HEATR5A: variants seen among roughly 807,000 people sequenced by gnomAD.
HEATR5A encodes the protein HEAT repeat containing 5A, also known as HEAT repeat-containing protein 5A.
HEATR5A carries 178 observed loss-of-function variants against 218.8 expected under a neutral mutation model. The observed-to-expected ratio is 0.81, with a 90% CI of 0.72 to 0.92. The LOEUF is 0.92. Among genes scored for constraint, HEATR5A ranks in the 40% least tolerant of loss-of-function variants. The probability of loss-of-function intolerance (pLI) is 0.00; values close to 1 mark genes in which losing one functional copy is unlikely to be tolerated. For synonymous variants in HEATR5A, 864 were observed against 871.6 expected, an observed-to-expected ratio of 0.99 and a Z score of 0.15; for missense variants, 2,420 against 2,418.9, an observed-to-expected ratio of 1.00 and a Z score of -0.01.
intron 22 of HEATR5A, among the ~76,000 whole-genome samples, chr14:31,326,801 C>A (rs1201877866): frequency 1.3e-5 from 2 of 151,828 alleles, no homozygotes; most frequent in African/African-American, 4.8e-5. Flanking sequence ...CGCCACCACG[C>A]CCAGCTAATT....
intron 4 of HEATR5A, among the ~76,000 whole-genome samples, chr14:31,396,694 T>C (rs2030667306): frequency 6.6e-6 from 1 of 152,230 alleles, no homozygotes; most frequent in Non-Finnish European, 1.5e-5. Context: ...TTTTCTTTTA[T>C]TCCAGTTCCA....
intron 14 of HEATR5A, among the ~76,000 whole-genome samples, chr14:31,359,640 C>T (rs1358583245): frequency 1.4e-5 from 2 of 145,598 alleles, no homozygotes; most frequent in Admixed American, 7.2e-5. Flanking sequence ...GCAGGAAAAT[C>T]GCTTGAATCT....
At chr14:31,340,811 C>G (rs1219288346) in intron 21 of HEATR5A, among the ~76,000 whole-genome samples, 2 of 152,186 alleles carry the variant, frequency 1.3e-5, no homozygotes, top group African/African-American at 2.4e-5. Context: ...GAGGAGTGAT[C>G]TGGATTGCAT....
chr14:31,369,311 G>A (rs528454987), intron 13 of HEATR5A, among the ~76,000 whole-genome samples: 2 of 151,592 alleles, frequency 1.3e-5, no homozygotes, highest in Admixed American at 1.3e-4. Flanking sequence ...GTGAGACCCT[G>A]TCTCACAAAC....
chr14:31,337,547 T>C lies in HEATR5A; in HGVS notation c.3296A>G (p.Gln1099Arg). 1 of 1,581,916 alleles carries C rather than the reference T, an allele frequency of 6.3e-7. No individual in the cohort carries two copies. The highest frequency in any genetic ancestry group is 8.6e-7 in the Non-Finnish European group (1 of 1,163,352). ...AVLACLRQLVQREAAEVSEHA... is the reference protein window; with the variant it reads ...AVLACLRQLVRREAAEVSEHA... ...TTCTGAAACTTCAGCTGCTTCTCTTTGTACAAGCTGACGTAAGCAAGCCAG... is the reference window on the plus strand; with the variant it reads ...TTCTGAAACTTCAGCTGCTTCTCTTCGTACAAGCTGACGTAAGCAAGCCAG... The change falls in exon 22 of 36, where the codon CAA becomes CGA. Residue 1099 changes from glutamine to arginine, a missense_variant. Gln to Arg is a conservative substitution (Grantham distance 43). Coordinates refer to ENST00000543095, the MANE Select transcript of HEATR5A (RefSeq NM_015473.4).
intron 13 of HEATR5A, among the ~76,000 whole-genome samples, chr14:31,368,779 C>G (rs1440492911): frequency 6.6e-6 from 1 of 151,738 alleles, no homozygotes; most frequent in Non-Finnish European, 1.5e-5. Flanking sequence ...TCAGGCTGGT[C>G]TCAAATCCCT....
At chr14:31,394,959 G>C (rs1188267350) in intron 5 of HEATR5A, among the ~76,000 whole-genome samples, 1 of 152,112 alleles carries the variant, frequency 6.6e-6, no homozygotes, top group Admixed American at 6.6e-5. Flanking sequence ...AAACATAGTA[G>C]AGTAGAATGA....
At chr14:31,330,515 C>A (rs970428177) in intron 22 of HEATR5A, among the ~76,000 whole-genome samples, 1 of 151,918 alleles carries the variant, frequency 6.6e-6, no homozygotes, top group African/African-American at 2.4e-5. Context: ...GAGGCCAGCG[C>A]CGGTAGCTCA....
At chr14:31,345,914 G>A (rs376693557) in intron 19 of HEATR5A, among the ~76,000 whole-genome samples, 3 of 150,780 alleles carry the variant, frequency 2.0e-5, no homozygotes, top group African/African-American at 7.3e-5. Flanking sequence ...ATGCACACAC[G>A]CACACACACA....
intron 28 of HEATR5A, among the ~76,000 whole-genome samples, chr14:31,310,024 A>G (rs1203767600): frequency 6.6e-6 from 1 of 152,068 alleles, no homozygotes; most frequent in Admixed American, 6.6e-5. Context: ...TAAAAAACCT[A>G]AAACTGTTAA....
At chr14:31,339,577 T>G (rs189754493) in intron 21 of HEATR5A, among the ~76,000 whole-genome samples, 12 of 152,190 alleles carry the variant, frequency 7.9e-5, no homozygotes, top group Non-Finnish European at 1.0e-4. Flanking sequence ...TGAGTAGTTT[T>G]TTGTTGTTGT....
rs779078018 is a variant in HEATR5A at position 31,388,933 on chromosome 14, C to G, written c.845G>C (p.Arg282Pro). ...GGCTCGAAGGAATCCTGAACTCCCA[C>G]GTAGAAACCCTGTTCCTAGTAATTC... The part of the protein sequence containing the change: ...VLELLGTGFL[R>P]GSSGFLRASG... Residue 282 changes from arginine (R) to proline (P), a missense_variant, in exon 7 of 36, where the codon CGT becomes CCT. Physicochemically the swap from Arg to Pro is moderately radical, Grantham distance 103 (BLOSUM62 -2). Transcript: ENST00000543095. 10 of 1,613,466 alleles carry G rather than the reference C, an allele frequency of 6.2e-6. No individual in the cohort carries two copies. In the East Asian group the frequency reaches 2.0e-4, roughly 32 times the overall value.
chr14:31,321,499 A>C lies in HEATR5A; in HGVS notation c.3969T>G (p.Asn1323Lys), dbSNP rs1412688917. The C allele has an allele frequency of 1.3e-6, 2 of 1,575,546 alleles. No individual in the cohort carries two copies. Among genetic ancestry groups the C allele is most frequent in the Non-Finnish European group, 1.7e-6 (2 of 1,161,042 alleles). The change falls in exon 25 of 36, where the codon AAT (asparagine) becomes AAG (lysine). Residue 1323 changes from asparagine to lysine, a missense_variant and splice_region_variant. Asn to Lys is a moderately conservative substitution (Grantham distance 94). Transcript: ENST00000543095. ...GHVILEQYQANVGAALRPAFT... is the reference protein window; with the variant it reads ...GHVILEQYQAKVGAALRPAFT... ...AAATTCTCTAAAAGAAAGTGCTTAC[A>C]TTGGCTTGATACTGTTCCAGAATCA...
intron 22 of HEATR5A, among the ~76,000 whole-genome samples, chr14:31,327,019 A>G (rs896910552): frequency 2.0e-5 from 3 of 150,502 alleles, no homozygotes; most frequent in African/African-American, 7.3e-5. Context: ...CTGTCACCCA[A>G]GATGGAGTGA....
chr14:31,371,327 T>C (rs1034888652), intron 13 of HEATR5A, among the ~76,000 whole-genome samples: 27 of 152,228 alleles, frequency 1.8e-4, no homozygotes, highest in African/African-American at 6.3e-4. Context: ...TCTGTATATA[T>C]AAAGTGTTAA....
intron 22 of HEATR5A, among the ~76,000 whole-genome samples, chr14:31,335,047 G>C (rs7141361): frequency 0.02 from 2,961 of 151,508 alleles, 83 homozygotes; most frequent in African/African-American, 0.068. Context: ...ACTGAGGCAA[G>C]ACCCTCTACC....
At chr14:31,311,711 A>G (rs1259588741) in intron 28 of HEATR5A, among the ~76,000 whole-genome samples, 1 of 152,236 alleles carries the variant, frequency 6.6e-6, no homozygotes, top group Non-Finnish European at 1.5e-5. Flanking sequence ...TCAGGAAGAA[A>G]ACAATTGTTA....
intron 19 of HEATR5A, among the ~76,000 whole-genome samples, chr14:31,345,914 G>GCACACACACACACA (rs35067283): frequency 6.6e-6 from 1 of 150,782 alleles, no homozygotes; most frequent in Non-Finnish European, 1.5e-5. Context: ...ATGCACACAC[G>GCACACACACACACA]CACACACACA....
In HEATR5A at chr14:31,398,701, T is replaced by C; in HGVS notation, c.419A>G (p.Asn140Ser). ...LGNTFTDTVG[N>S]ILKAMKSAES... Reference sequence around the variant, plus strand: ...TGCACTCTTCATAGCTTTAAGAATATTCCCCACTGTATCAGTAAAGGTGTT... The same window carrying C: ...TGCACTCTTCATAGCTTTAAGAATACTCCCCACTGTATCAGTAAAGGTGTT... The change falls in exon 4 of 36, where the codon AAT becomes AGT. Residue 140 changes from asparagine (N) to serine (S), a missense_variant. Transcript: ENST00000543095. 1 of 1,526,418 alleles carries C rather than the reference T, an allele frequency of 6.6e-7. No homozygotes were observed. Among genetic ancestry groups the C allele is most frequent in the Non-Finnish European group, 8.8e-7 (1 of 1,137,718 alleles). The allele number at this position is 1,526,418 out of a possible 1,614,324, so 94.6% of individuals were successfully genotyped here. A position where few individuals can be genotyped will look rare whatever the true frequency, so the allele number is the denominator to read the frequency against.
Sources: allele counts gnomAD v4.1 joint callset (sites outside exome capture counted in the v4.1 genomes callset), GRCh38; gene constraint gnomAD v4.1.1; transcripts MANE v1.5; gene names NCBI Gene and HGNC (gene_info 2026-07-23, HGNC 2026-07-21).